Variants in CAMK1D observed in about 807,000 individuals in gnomAD.
CAMK1D encodes calcium/calmodulin-dependent protein kinase type 1D.
CAMK1D carries 9 observed loss-of-function variants against 47.7 expected under a neutral mutation model. That is an observed-to-expected ratio of 0.19 (90% CI 0.11 to 0.33). The LOEUF (loss-of-function observed/expected upper bound fraction) is 0.33, where lower values mean the gene tolerates loss of function less well. Ranked by LOEUF, CAMK1D falls within the 10% of genes least tolerant of loss-of-function variation. The pLI is 1.00. For missense variants in CAMK1D, 291 were observed against 488.7 expected (o/e 0.60, Z 3.81); for synonymous variants, 184 against 184.9 (o/e 0.99, Z 0.04).
At chr10:12,795,455 A>G (rs1166556804) in intron 6 of CAMK1D, among the ~76,000 whole-genome samples, 1 of 152,190 alleles carries the variant, frequency 6.6e-6, no homozygotes, top group Non-Finnish European at 1.5e-5. Flanking sequence ...TCCATGAGCA[A>G]CAGGCAGCAT....
At chr10:12,792,419 C>A (rs1838015885) in intron 6 of CAMK1D, among the ~76,000 whole-genome samples, 1 of 152,218 alleles carries the variant, frequency 6.6e-6, no homozygotes, top group Non-Finnish European at 1.5e-5. Context: ...CTTGTTTCTG[C>A]AATTGCTAGG....
At position 12,829,425 on chromosome 10, in the gene CAMK1D, A is replaced by G. The variant is rs1833378877; in HGVS notation, c.*538A>G. The G allele has an allele frequency of 6.6e-6, 1 of 152,416 alleles. No homozygotes were observed. The highest frequency in any genetic ancestry group is 2.4e-5 in the African/African-American group (1 of 41,412). The allele number at this position is 152,416 out of a possible 1,614,324, so 9.4% of individuals were successfully genotyped here. On this transcript the variant is annotated 3_prime_UTR_variant, in exon 11 of 11. Transcript: ENST00000619168. ...TTTCCTCAAAGGAGAATTTAAAGGT[A>G]TTTTTTAAAATTCTAATAAGAGGAT... is the stretch of plus-strand genomic sequence containing the variant.
chr10:12,372,472 G>T (rs1384798124), intron 1 of CAMK1D, among the ~76,000 whole-genome samples: 1 of 152,182 alleles, frequency 6.6e-6, no homozygotes, highest in Non-Finnish European at 1.5e-5. Context: ...GGTTTTCCTT[G>T]CCCTGGTTGG....
At chr10:12,611,068 CAG>C (rs1838604352) in intron 2 of CAMK1D, among the ~76,000 whole-genome samples, 1 of 152,138 alleles carries the variant, frequency 6.6e-6, no homozygotes, top group Non-Finnish European at 1.5e-5. Flanking sequence ...AACTGAGGCA[CAG>C]AGATATTTAG....
intron 1 of CAMK1D, among the ~76,000 whole-genome samples, chr10:12,507,642 A>T (rs1564379513): frequency 6.6e-6 from 1 of 152,168 alleles, no homozygotes; most frequent in Non-Finnish European, 1.5e-5. Context: ...TTCACATTGC[A>T]CAGAGGCACT....
intron 6 of CAMK1D, among the ~76,000 whole-genome samples, chr10:12,801,640 T>C (rs1476392953): frequency 6.6e-6 from 1 of 152,140 alleles, no homozygotes; most frequent in East Asian, 1.9e-4. Context: ...ATCTACCTAT[T>C]TATCCATCTC....
chr10:12,547,642 C>CA (rs1232116772), intron 1 of CAMK1D, among the ~76,000 whole-genome samples: 2 of 105,060 alleles, frequency 1.9e-5, no homozygotes, highest in Non-Finnish European at 3.7e-5. Flanking sequence ...CGAGGACACC[C>CA]CCCCCCCAAC....
rs973048339 is a variant in CAMK1D at position 12,829,456 on chromosome 10, G to A, written c.*569G>A. The A allele has an allele frequency of 3.9e-5, 6 of 152,184 alleles. No individual in the cohort carries two copies. The highest frequency in any genetic ancestry group is 5.9e-5 in the Non-Finnish European group (4 of 68,064). 9.4% of individuals were successfully genotyped at this position (152,184 alleles called of 1,614,324 possible). A position where few individuals can be genotyped will look rare whatever the true frequency, so the allele number is the denominator to read the frequency against. ...TAAAATTCTAATAAGAGGATCAGCC[G>A]GGTGCAATGACTCATGCCTGTAATC... On this transcript the variant is annotated 3_prime_UTR_variant, in exon 11 of 11. Transcript: ENST00000619168.
intron 6 of CAMK1D, among the ~76,000 whole-genome samples, chr10:12,791,912 G>A (rs1837996710): frequency 6.6e-6 from 1 of 152,164 alleles, no homozygotes; most frequent in Non-Finnish European, 1.5e-5. Context: ...TGTAGCAGCA[G>A]CACCACCAAT....
At position 12,581,590 on chromosome 10, in the gene CAMK1D, G is replaced by A. The variant is rs181808612; in HGVS notation, c.224+28234G>A. On this transcript the variant is annotated intron_variant, in intron 2 of 10. Coordinates refer to ENST00000619168, the MANE Select transcript of CAMK1D (RefSeq NM_153498.4). ...TTTGATTATGGCCATTCTTGCAGGAGTGAAGTGGTATCACACTGTGGTTTT... is the reference window on the plus strand; with the variant it reads ...TTTGATTATGGCCATTCTTGCAGGAATGAAGTGGTATCACACTGTGGTTTT... Among the ~76,000 whole-genome samples, 14 of 152,308 alleles carry A rather than the reference G, an allele frequency of 9.2e-5. No homozygotes were observed. The East Asian group carries it at 2.1e-3, about 23-fold the overall frequency.
At chr10:12,406,530 G>A (rs1464846303) in intron 1 of CAMK1D, among the ~76,000 whole-genome samples, 1 of 151,430 alleles carries the variant, frequency 6.6e-6, no homozygotes, top group African/African-American at 2.4e-5. Flanking sequence ...AACATAGGAA[G>A]ACCCTGTCTC....
intron 3 of CAMK1D, among the ~76,000 whole-genome samples, chr10:12,706,578 T>TGGTGGGTACA (rs1291173623): frequency 6.6e-6 from 1 of 152,100 alleles, no homozygotes; most frequent in Non-Finnish European, 1.5e-5. Context: ...TAGCTGAGCA[T>TGGTGGGTACA]GGTGGGTACA....
intron 1 of CAMK1D, among the ~76,000 whole-genome samples, chr10:12,406,710 G>A (rs1839438854): frequency 1.2e-5 from 1 of 83,224 alleles, no homozygotes; most frequent in Admixed American, 1.6e-4. Context: ...GTGACAAAAT[G>A]AGACCCTGTC....
rs529970088 is a variant in CAMK1D at position 12,830,964 on chromosome 10, C to CACACACACACACACACACACA, written c.*2078_*2079insCACACACACACACACACACAA. On this transcript the variant is annotated 3_prime_UTR_variant, in exon 11 of 11. Transcript: ENST00000619168. Reference sequence around the variant, plus strand: ...ACACACACACACACACACACACACACAATGTTATTAGGCACAGCAGCTCCA... The same window carrying CACACACACACACACACACACA: ...ACACACACACACACACACACACACACACACACACACACACACACACAAATGTTATTAGGCACAGCAGCTCCA... 1.1e-5 allele frequency: 1 copy of CACACACACACACACACACACA among 89,732 alleles called. No individual in the cohort carries two copies. The highest frequency in any genetic ancestry group is 2.5e-5 in the Non-Finnish European group (1 of 40,692). 5.6% of individuals were successfully genotyped at this position (89,732 alleles called of 1,614,324 possible). A position where few individuals can be genotyped will look rare whatever the true frequency, so the allele number is the denominator to read the frequency against.
chr10:12,712,160 A>G (rs1219091476), intron 3 of CAMK1D, among the ~76,000 whole-genome samples: 1 of 152,196 alleles, frequency 6.6e-6, no homozygotes, highest in East Asian at 1.9e-4. Context: ...GAACTTCACC[A>G]AGAAGCTTGA....
chr10:12,540,516 G>T (rs1836132324), intron 1 of CAMK1D, among the ~76,000 whole-genome samples: 1 of 152,184 alleles, frequency 6.6e-6, no homozygotes, highest in Non-Finnish European at 1.5e-5. Context: ...TAAAGACTTA[G>T]TGCCGCAGAA....
chr10:12,734,417 CACAT>C (rs1167295788), intron 3 of CAMK1D, among the ~76,000 whole-genome samples: 3,414 of 15,250 alleles, frequency 0.22, 210 homozygotes, highest in Non-Finnish European at 0.38. Flanking sequence ...CACACACACA[CACAT>C]GTATATATAT....
intron 1 of CAMK1D, among the ~76,000 whole-genome samples, chr10:12,358,206 CAG>C (rs755909835): frequency 1.2e-4 from 19 of 152,142 alleles, no homozygotes; most frequent in Non-Finnish European, 2.1e-4. Context: ...GCCTGGGTGA[CAG>C]AGAGAGACCG....
chr10:12,567,741 C>T (rs190189051), intron 2 of CAMK1D, among the ~76,000 whole-genome samples: 76 of 152,236 alleles, frequency 5.0e-4, no homozygotes, highest in African/African-American at 1.7e-3. Context: ...TTGTTGATGT[C>T]GTCGTTTGTT....
Sources: gnomAD v4.1 joint callset for allele counts (sites outside exome capture counted in the v4.1 genomes callset) on GRCh38, gnomAD v4.1.1 for gene constraint, MANE v1.5 for transcripts, NCBI Gene and HGNC (gene_info 2026-07-23, HGNC 2026-07-21) for gene names.